Variants in ANKRD17 observed in about 807,000 individuals in gnomAD.
ANKRD17 encodes ankyrin repeat domain-containing protein 17.
Under a neutral mutation model 229.7 loss-of-function variants are expected in ANKRD17, and 19 were observed. That is an observed-to-expected ratio of 0.08 (90% CI 0.06 to 0.12). ANKRD17 has a LOEUF of 0.12. Among genes scored for constraint, ANKRD17 ranks in the 10% least tolerant of loss-of-function variants. The pLI, the probability that ANKRD17 is intolerant of heterozygous loss-of-function variation, is 1.00. For missense variants in ANKRD17, 2,176 were observed against 3,176.8 expected, an observed-to-expected ratio of 0.68 and a Z score of 7.57; for synonymous variants, 1,112 against 1,146.1, an observed-to-expected ratio of 0.97 and a Z score of 0.60.
intron 18 of ANKRD17, 134 bp from the exon 19 acceptor site, chr4:73,121,893 A>C: frequency 1.2e-6 from 1 of 856,056 alleles, no homozygotes; most frequent in East Asian, 2.9e-5. Context: ...CTCTGCATAA[A>C]ATCAGCCTCT....
chr4:73,120,045 T>C, intron 21 of ANKRD17, 117 bp downstream of exon 21: 1 of 1,144,402 alleles, frequency 8.7e-7, no homozygotes, highest in Non-Finnish European at 1.3e-6. Context: ...AAAAAGCACT[T>C]GTTTATAAAA....
At chr4:73,120,568 A>G (rs986098860) in intron 20 of ANKRD17, among the ~76,000 whole-genome samples, 1 of 151,610 alleles carries the variant, frequency 6.6e-6, no homozygotes, top group African/African-American at 2.4e-5. Flanking sequence ...AAGAAAGAAA[A>G]AAAAATCTGT....
At chr4:73,178,419 A>C (rs548585712) in intron 1 of ANKRD17, among the ~76,000 whole-genome samples, 1 of 152,268 alleles carries the variant, frequency 6.6e-6, no homozygotes, top group African/African-American at 2.4e-5. Flanking sequence ...TCAAAAGGGG[A>C]GTTTTCATAA....
rs770629532 is a variant in ANKRD17, at chr4:73,258,423, G to A, written c.246C>T (p.Pro82=). 1 of 1,610,622 alleles carries A rather than the reference G, an allele frequency of 6.2e-7. No individual in the cohort carries two copies. The highest frequency in any genetic ancestry group is 8.5e-7 in the Non-Finnish European group (1 of 1,179,302). The change falls in exon 1 of 34, where the codon CCC becomes CCT. Residue 82 remains proline, a synonymous_variant. Transcript: ENST00000358602. ...HKAKRNRTCR[P]PSSSESSSDS... Reference sequence around the variant, plus strand: ...CGCTGCTGCTTTCGCTGCTGCTGGGGGGTCGGCAAGTCCGGTTACGCTTGG... The same window carrying A: ...CGCTGCTGCTTTCGCTGCTGCTGGGAGGTCGGCAAGTCCGGTTACGCTTGG...
intron 1 of ANKRD17, among the ~76,000 whole-genome samples, chr4:73,254,611 T>C (rs969191657): frequency 6.6e-6 from 1 of 151,740 alleles, no homozygotes. Context: ...CTAATAAAAA[T>C]ACAAAAATTA....
In ANKRD17 at chr4:73,092,304, T is replaced by TA. The variant is rs1722864953; in HGVS notation, c.5328-5dup. 1 of 1,585,166 alleles carries TA rather than the reference T, an allele frequency of 6.3e-7. No individual in the cohort carries two copies. Among genetic ancestry groups the TA allele is most frequent in the Non-Finnish European group, 8.5e-7 (1 of 1,170,334 alleles). On this transcript the variant is annotated splice_region_variant and splice_polypyrimidine_tract_variant and intron_variant, in intron 28 of 33. Coordinates refer to ENST00000358602, the MANE Select transcript of ANKRD17 (RefSeq NM_032217.5). ...TCTTGTTGATTCAGTGCCACCCCTATAAATTGAGAAAAAAAAATTAGGTAG... is the reference window on the plus strand; with the variant it reads ...TCTTGTTGATTCAGTGCCACCCCTATAAAATTGAGAAAAAAAAATTAGGTAG...
chr4:73,158,239 C>T (rs565842860), intron 3 of ANKRD17, among the ~76,000 whole-genome samples: 1 of 144,692 alleles, frequency 6.9e-6, no homozygotes, highest in Non-Finnish European at 1.5e-5. Context: ...CTACTCAGAA[C>T]CCTCCACTGG....
chr4:73,244,846 A>G (rs949497837), intron 1 of ANKRD17, among the ~76,000 whole-genome samples: 7 of 152,190 alleles, frequency 4.6e-5, no homozygotes, highest in African/African-American at 1.2e-4. Flanking sequence ...GTTGCAGAAC[A>G]TTTAGTAAAA....
At chr4:73,103,502 A>G (rs1724244205) in intron 24 of ANKRD17, among the ~76,000 whole-genome samples, 1 of 152,182 alleles carries the variant, frequency 6.6e-6, no homozygotes, top group Admixed American at 6.5e-5. Context: ...ATCTTAATAA[A>G]CTATTTTAAC....
rs763679115 is a variant in ANKRD17, at chr4:73,161,179, A to G, written c.704+13T>C. ...AAATGATTTCATACTGATGGCAGCA[A>G]AAATGTACTTACTTGTCCGACTGCC... On this transcript the variant is annotated intron_variant, in intron 3 of 33. Transcript: ENST00000358602. 3.0e-5 allele frequency: 49 copies of G among 1,608,508 alleles called. No individual in the cohort carries two copies. Among genetic ancestry groups the G allele is most frequent in the Non-Finnish European group, 3.7e-5 (44 of 1,178,442 alleles).
At chr4:73,253,040 G>A (rs1407512593) in intron 1 of ANKRD17, among the ~76,000 whole-genome samples, 2 of 152,180 alleles carry the variant, frequency 1.3e-5, no homozygotes, top group African/African-American at 4.8e-5. Context: ...ATGTGAATGA[G>A]TGAGAGAATA....
rs377557610 is a variant in ANKRD17, at chr4:73,219,932, C to T, written c.393+38344G>A. 3.9e-5 allele frequency among the ~76,000 whole-genome samples: 6 copies of T among 152,194 alleles called. No homozygotes were observed. The East Asian group carries it at 5.8e-4, about 15-fold the overall frequency. ...CTGTGAAGATTTCTTATTACTAAGA[C>T]TCCTAAAACTGGCTCAATTATAAAT... is the stretch of plus-strand genomic sequence containing the variant. On this transcript the variant is annotated intron_variant, in intron 1 of 33. Transcript: ENST00000358602.
At chr4:73,121,585 T>C (rs371996313) in intron 19 of ANKRD17, 32 bp downstream of exon 19, 2 of 1,611,970 alleles carry the variant, frequency 1.2e-6, no homozygotes, top group Admixed American at 1.7e-5. Flanking sequence ...TCTTACTAAA[T>C]AAGGGGCTTA....
At chr4:73,145,857 G>C (rs1243841904) in intron 10 of ANKRD17, among the ~76,000 whole-genome samples, 2 of 152,080 alleles carry the variant, frequency 1.3e-5, no homozygotes, top group Non-Finnish European at 2.9e-5. Context: ...ACAAAAGAAA[G>C]ATTAAATTAT....
intron 25 of ANKRD17, among the ~76,000 whole-genome samples, chr4:73,100,551 G>C (rs912277739): frequency 6.6e-6 from 1 of 151,442 alleles, no homozygotes; most frequent in African/African-American, 2.4e-5. Context: ...TGTATATTAC[G>C]TATTATTATG....
rs1722779857 is a variant in ANKRD17 at position 73,091,360 on chromosome 4, T to C, written c.6268A>G (p.Thr2090Ala). The change falls in exon 29 of 34, where the codon ACT becomes GCT. Residue 2090 changes from threonine to alanine, a missense_variant. Around this residue, in one of 18 missense-constraint regions of ANKRD17, gnomAD observed 424 missense variants for 454.0 expected, o/e 0.93. Transcript: ENST00000358602. ...GAACTGCTGCTGTTTGGAGGTCTAG[T>C]GTTTGTTGTTTCTACTACTGGTGGA... ...GSPPVVETTN[T>A]RPPNSSSSSG... 3 of 1,614,028 alleles carry C rather than the reference T, an allele frequency of 1.9e-6. No individual in the cohort carries two copies. The highest frequency in any genetic ancestry group is 2.5e-6 in the Non-Finnish European group (3 of 1,180,020).
chr4:73,084,987 C>T (rs892973220), intron 30 of ANKRD17, among the ~76,000 whole-genome samples: 1 of 151,492 alleles, frequency 6.6e-6, no homozygotes, highest in East Asian at 1.9e-4. Context: ...ACGAAACCAG[C>T]GAGGGCAACA....
At chr4:73,175,227 C>T (rs906774054) in intron 2 of ANKRD17, among the ~76,000 whole-genome samples, 6 of 152,160 alleles carry the variant, frequency 3.9e-5, no homozygotes, top group Non-Finnish European at 5.9e-5. Context: ...GGACCTTCTT[C>T]ACATGGCAGC....
intron 25 of ANKRD17, among the ~76,000 whole-genome samples, chr4:73,099,307 C>T (rs956445369): frequency 1.4e-4 from 22 of 152,070 alleles, no homozygotes; most frequent in Non-Finnish European, 2.8e-4. Flanking sequence ...CACCACACTA[C>T]ACAGCACACC....
Sources: allele counts gnomAD v4.1 joint callset (sites outside exome capture counted in the v4.1 genomes callset), GRCh38; gene constraint gnomAD v4.1.1; regional missense constraint gnomAD v4.1.1; transcripts MANE v1.5; gene names NCBI Gene and HGNC (gene_info 2026-07-23, HGNC 2026-07-21).